TRIM66: variants seen among roughly 807,000 people sequenced by gnomAD.
TRIM66 encodes the protein tripartite motif-containing protein 66.
A neutral mutation model predicts 148.2 loss-of-function variants in TRIM66; 99 were observed. The observed-to-expected ratio is 0.67, with a 90% confidence interval of 0.57 to 0.79. TRIM66 has a LOEUF of 0.79. Among genes scored for constraint, TRIM66 ranks in the 30% least tolerant of loss-of-function variants. The pLI is 0.00. For missense variants in TRIM66, 1,666 were observed against 1,697.9 expected, an observed-to-expected ratio of 0.98 and a Z score of 0.33; for synonymous variants, 616 against 635.9, an observed-to-expected ratio of 0.97 and a Z score of 0.47.
chr11:8,643,351 TTTAA>T (rs1478349160), intron 12 of TRIM66, among the ~76,000 whole-genome samples: 3 of 151,816 alleles, frequency 2.0e-5, no homozygotes, highest in Non-Finnish European at 4.4e-5. Context: ...TTTTTTTTTT[TTTAA>T]TTGAGACGGG....
At chr11:8,668,898 A>C (rs1002635912) in intron 6 of TRIM66, among the ~76,000 whole-genome samples, 9 of 152,120 alleles carry the variant, frequency 5.9e-5, no homozygotes, top group African/African-American at 2.2e-4. Context: ...AAGATGGCAT[A>C]TTCCAAGCAG....
intron 15 of TRIM66, among the ~76,000 whole-genome samples, chr11:8,625,750 C>T (rs187791852): frequency 6.6e-6 from 1 of 152,290 alleles, no homozygotes; most frequent in East Asian, 1.9e-4. Flanking sequence ...TGAGAAGGCT[C>T]AAACTCTTAT....
At chr11:8,633,504 T>C (rs978221749) in intron 15 of TRIM66, among the ~76,000 whole-genome samples, 1 of 152,136 alleles carries the variant, frequency 6.6e-6, no homozygotes, top group Non-Finnish European at 1.5e-5. Context: ...TCTTAGAGTG[T>C]GCTAAGTTCA....
intron 18 of TRIM66, 128 bp from the exon 19 acceptor site, chr11:8,621,947 A>C (rs753274750): frequency 2.0e-6 from 2 of 985,712 alleles, no homozygotes; most frequent in Admixed American, 6.9e-5. Flanking sequence ...TGAAGGATAC[A>C]AAGTATTTAT....
chr11:8,637,986 T>G (rs527555412), intron 15 of TRIM66, among the ~76,000 whole-genome samples: 1 of 152,160 alleles, frequency 6.6e-6, no homozygotes, highest in African/African-American at 2.4e-5. Context: ...AAGCGAACAC[T>G]TTCAGTAAGC....
intron 6 of TRIM66, among the ~76,000 whole-genome samples, chr11:8,657,126 G>A (rs1305005885): frequency 1.3e-5 from 2 of 152,174 alleles, no homozygotes; most frequent in Non-Finnish European, 2.9e-5. Flanking sequence ...AAGGCAACAC[G>A]GACACCAGAG....
At chr11:8,668,837 C>A (rs191136061) in intron 6 of TRIM66, among the ~76,000 whole-genome samples, 1 of 152,214 alleles carries the variant, frequency 6.6e-6, no homozygotes, top group African/African-American at 2.4e-5. Context: ...CCGCCCACCT[C>A]GGCCTCCCAA....
chr11:8,677,444 A>G (rs1481426125), intron 3 of TRIM66, among the ~76,000 whole-genome samples: 1 of 152,188 alleles, frequency 6.6e-6, no homozygotes, highest in Non-Finnish European at 1.5e-5. Context: ...AACAGATTCA[A>G]AGAGAACATG....
At chr11:8,647,929 C>T in intron 10 of TRIM66, 41 bp downstream of exon 10, 1 of 1,464,232 alleles carries the variant, frequency 6.8e-7, no homozygotes, top group Admixed American at 2.0e-5. Flanking sequence ...TGTGCGGGAA[C>T]AGAGCATTTC....
intron 15 of TRIM66, among the ~76,000 whole-genome samples, chr11:8,634,444 T>C (rs1231351919): frequency 3.9e-5 from 6 of 152,230 alleles, no homozygotes; most frequent in African/African-American, 7.2e-5. Context: ...GCTGGGATTA[T>C]AGGCGTGAGC....
intron 23 of TRIM66, 65 bp downstream of exon 23, chr11:8,619,318 T>G: frequency 1.9e-4 from 125 of 652,016 alleles, no homozygotes; most frequent in Non-Finnish European, 2.7e-4. Context: ...CTCCCAACCC[T>G]ACCCACCCAT....
At chr11:8,629,459 G>A (rs1370363164) in intron 15 of TRIM66, among the ~76,000 whole-genome samples, 1 of 152,180 alleles carries the variant, frequency 6.6e-6, no homozygotes, top group African/African-American at 2.4e-5. Context: ...ATCCACGTGA[G>A]ACCACCCAAA....
chr11:8,661,065 T>C (rs1271268189), intron 6 of TRIM66, among the ~76,000 whole-genome samples: 1 of 151,940 alleles, frequency 6.6e-6, no homozygotes. Flanking sequence ...TCAGAGGGAG[T>C]GATCAGGGTC....
intron 6 of TRIM66, among the ~76,000 whole-genome samples, chr11:8,661,145 T>C (rs1334556247): frequency 6.6e-6 from 1 of 152,116 alleles, no homozygotes; most frequent in East Asian, 1.9e-4. Context: ...AATATCACTG[T>C]AGGAAAGAAT....
At chr11:8,680,774 T>C (rs761482521) in intron 1 of TRIM66, 2 of 151,974 alleles carry the variant, frequency 1.3e-5, no homozygotes, top group Non-Finnish European at 2.9e-5. Context: ...TGTGAAAAGA[T>C]AAGGACAAGG....
intron 3 of TRIM66, among the ~76,000 whole-genome samples, chr11:8,675,577 T>C (rs2039138949): frequency 6.6e-6 from 1 of 151,764 alleles, no homozygotes; most frequent in African/African-American, 2.4e-5. Context: ...AGACAGGGTT[T>C]CTCCATGTTG....
At position 8,635,770 on chromosome 11, in the gene TRIM66, C is replaced by G. The variant is rs185312503; in HGVS notation, c.2310+2884G>C. Among the ~76,000 whole-genome samples the G allele has an allele frequency of 2.5e-3, 382 of 152,252 alleles. 1 individual carries two copies. The highest frequency in any genetic ancestry group is 3.5e-3 in the Non-Finnish European group (241 of 68,010). On this transcript the variant is annotated intron_variant, in intron 15 of 24. Transcript: ENST00000646038. ...TGCTAACCCCATTGCCAACTTGCAG[C>G]CACACAAAAGGGCAGCACCCCTTGC...
At chr11:8,641,777 G>A (rs766118225) in intron 13 of TRIM66, among the ~76,000 whole-genome samples, 4 of 152,092 alleles carry the variant, frequency 2.6e-5, no homozygotes, top group South Asian at 2.1e-4. Flanking sequence ...GTTTAGCACC[G>A]TCCCTTTGGT....
At position 8,615,959 on chromosome 11, in the gene TRIM66, C is replaced by T. The variant is rs565451461; in HGVS notation, c.*1985G>A. ...GTGGGCTGCACAAAGGAAAGATGAC[C>T]TAGAGCAGGAATTAGTGACATGAGA... On this transcript the variant is annotated 3_prime_UTR_variant, in exon 25 of 25. Transcript: ENST00000646038. The T allele has an allele frequency of 6.6e-6, 1 of 152,228 alleles. No individual in the cohort carries two copies. Among genetic ancestry groups the T allele is most frequent in the Non-Finnish European group, 1.5e-5 (1 of 68,096 alleles). 9.4% of individuals were successfully genotyped at this position (152,228 alleles called of 1,614,324 possible).
Sources: gnomAD v4.1 joint callset for allele counts (sites outside exome capture counted in the v4.1 genomes callset) on GRCh38, gnomAD v4.1.1 for gene constraint, MANE v1.5 for transcripts, NCBI Gene and HGNC (gene_info 2026-07-23, HGNC 2026-07-21) for gene names.